TCF20: variants seen among roughly 807,000 people sequenced by gnomAD.
TCF20 encodes SPRE-binding protein.
Under a neutral mutation model 148.6 loss-of-function variants are expected in TCF20, and 3 were observed. The observed-to-expected ratio is 0.02, with a 90% CI of 0.01 to 0.05. The LOEUF (loss-of-function observed/expected upper bound fraction) is 0.05. Among genes scored for constraint, TCF20 ranks in the 10% least tolerant of loss-of-function variants. The probability of loss-of-function intolerance (pLI) is 1.00; values close to 1 mark genes in which losing one functional copy is unlikely to be tolerated. For synonymous variants in TCF20, 1,049 were observed against 909.5 expected, an observed-to-expected ratio of 1.15 and a Z score of -2.76; for missense variants, 2,350 against 2,429.3, an observed-to-expected ratio of 0.97 and a Z score of 0.69.
At chr22:42,239,579 G>A (rs536084503) in intron 1 of TCF20, among the ~76,000 whole-genome samples, 35 of 152,204 alleles carry the variant, frequency 2.3e-4, no homozygotes, top group Non-Finnish European at 4.6e-4. Flanking sequence ...CTTCAGGTTA[G>A]GAGTTCCAGA....
At chr22:42,236,766 A>G (rs910904420) in intron 1 of TCF20, among the ~76,000 whole-genome samples, 1 of 152,220 alleles carries the variant, frequency 6.6e-6, no homozygotes, top group Non-Finnish European at 1.5e-5. Context: ...AGACCGTGGC[A>G]ATAAAGCGAG....
At chr22:42,192,756 G>A (rs6002649) in intron 2 of TCF20, among the ~76,000 whole-genome samples, 13,196 of 152,100 alleles carry the variant, frequency 0.087, 1,907 homozygotes, top group African/African-American at 0.3. Flanking sequence ...CTCATTTCAG[G>A]TCACTCCCAC....
upstream of TCF20, among the ~76,000 whole-genome samples, chr22:42,288,956 C>T (rs1290310975): frequency 2.0e-5 from 3 of 152,232 alleles, no homozygotes; most frequent in East Asian, 5.8e-4. Context: ...AGGCCTCATT[C>T]CTTCTCTGCA....
At chr22:42,177,067 A>G (rs1306039967) in intron 3 of TCF20, among the ~76,000 whole-genome samples, 1 of 152,150 alleles carries the variant, frequency 6.6e-6, no homozygotes, top group Non-Finnish European at 1.5e-5. Flanking sequence ...ATCATTTTAT[A>G]TATATATTGA....
At position 42,213,960 on chromosome 22, in the gene TCF20, G is replaced by A. The variant is rs2147217475; in HGVS notation, c.1346C>T (p.Thr449Ile). The A allele has an allele frequency of 6.2e-7, 1 of 1,614,192 alleles. No homozygotes were observed. Among genetic ancestry groups the A allele is most frequent in the South Asian group, 1.1e-5 (1 of 91,086 alleles). ...ACTCAAACTACTCAACCCAGGATCT[G>A]TCAGTCGCTTTTCTGGTACCCCTTC... ...GLEGVPEKRL[T>I]DPGLSSLSAL... The change falls in exon 2 of 6, where the codon ACA becomes ATA. Residue 449 changes from threonine (T) to isoleucine (I), a missense_variant. Physicochemically the swap from Thr to Ile is moderately conservative, Grantham distance 89. Around this residue, in one of 7 missense-constraint regions of TCF20, gnomAD observed 1,641 missense variants for 1,662.6 expected, o/e 0.99. Coordinates refer to ENST00000677622, the MANE Select transcript of TCF20 (RefSeq NM_001378418.1).
At chr22:42,222,606 T>C (rs990578437) in intron 1 of TCF20, among the ~76,000 whole-genome samples, 1 of 152,062 alleles carries the variant, frequency 6.6e-6, no homozygotes, top group African/African-American at 2.4e-5. Context: ...CTCACCTTGG[T>C]CTCAACTTGG....
chr22:42,212,270 A>T lies in TCF20; in HGVS notation c.3036T>A (p.Phe1012Leu). The T allele has an allele frequency of 6.2e-7, 1 of 1,614,170 alleles. No homozygotes were observed. Among genetic ancestry groups the T allele is most frequent in the Non-Finnish European group, 8.5e-7 (1 of 1,180,020 alleles). ...RGRSPSQYHDFAEKLKMSPGR... is the reference protein window; with the variant it reads ...RGRSPSQYHDLAEKLKMSPGR... ...CAGGAGACATTTTCAATTTTTCTGC[A>T]AAGTCATGATATTGAGAAGGGGACC... Residue 1012 changes from phenylalanine (F) to leucine (L), a missense_variant, in exon 2 of 6, where the codon TTT becomes TTA. By Grantham distance (22) the Phe-to-Leu change is conservative (BLOSUM62 0). Coordinates refer to ENST00000677622, the MANE Select transcript of TCF20 (RefSeq NM_001378418.1).
Position 42,215,137 on chromosome 22 carries a change from C to G in TCF20, c.169G>C (p.Gly57Arg). The change falls in exon 2 of 6, where the codon GGT becomes CGT. Residue 57 changes from glycine (G) to arginine (R), a missense_variant. By Grantham distance (125) the Gly-to-Arg change is moderately radical. Coordinates refer to ENST00000677622, the MANE Select transcript of TCF20 (RefSeq NM_001378418.1). The part of the protein sequence containing the change: ...SSGSSGSGSG[G>R]GRRGAAAAAA... ...GCAGCTGCTGCTCCTCGTCGTCCAC[C>G]ACCACTGCCACTGCCACTGCTGCCA... is the stretch of plus-strand genomic sequence containing the variant. 1 of 1,614,036 alleles carries G rather than the reference C, an allele frequency of 6.2e-7. No homozygotes were observed. Among genetic ancestry groups the G allele is most frequent in the South Asian group, 1.1e-5 (1 of 91,068 alleles).
intron 1 of TCF20, among the ~76,000 whole-genome samples, chr22:42,247,943 A>T (rs1413757138): frequency 6.6e-6 from 1 of 152,254 alleles, no homozygotes; most frequent in Non-Finnish European, 1.5e-5. Flanking sequence ...TGACTTAAAA[A>T]GTGAATATTG....
intron 1 of TCF20, among the ~76,000 whole-genome samples, chr22:42,305,108 C>A (rs867406707): frequency 2.6e-5 from 4 of 152,026 alleles, no homozygotes; most frequent in Admixed American, 1.3e-4. Context: ...CTAAATAACC[C>A]CCTGGAGCCC....
chr22:42,214,935 C>G lies in TCF20; in HGVS notation c.371G>C (p.Ser124Thr). The G allele has an allele frequency of 6.2e-7, 1 of 1,614,238 alleles. No homozygotes were observed. The highest frequency in any genetic ancestry group is 8.5e-7 in the Non-Finnish European group (1 of 1,180,036). Residue 124 changes from serine (S) to threonine (T), a missense_variant, in exon 2 of 6, where the codon AGC (serine) becomes ACC (threonine). Physicochemically the swap from Ser to Thr is moderately conservative, Grantham distance 58. Around this residue, in one of 7 missense-constraint regions of TCF20, gnomAD observed 1,641 missense variants for 1,662.6 expected, o/e 0.99. Transcript: ENST00000677622. ...PVQSYGPPQGSSFGNQYGSEG... is the reference protein window; with the variant it reads ...PVQSYGPPQGTSFGNQYGSEG... ...ACTCCCATACTGATTGCCAAAGCTG[C>G]TCCCCTGGGGGGGTCCATAGCTCTG...
At chr22:42,281,325 G>A (rs1601691157) in intron 1 of TCF20, among the ~76,000 whole-genome samples, 1 of 152,170 alleles carries the variant, frequency 6.6e-6, no homozygotes, top group Non-Finnish European at 1.5e-5. Flanking sequence ...TCCTGAAAAC[G>A]GGTCCAAAGA....
rs1928110691 is a variant in TCF20 at position 42,338,670 on chromosome 22, C to T, written c.-37+4809G>A. 6.6e-6 allele frequency among the ~76,000 whole-genome samples: 1 copy of T among 152,236 alleles called. No homozygotes were observed. Among genetic ancestry groups the T allele is most frequent in the South Asian group, 2.1e-4 (1 of 4,834 alleles). On this transcript the variant is annotated intron_variant, in intron 1 of 1. Coordinates refer to the TCF20 transcript ENST00000515426. The surrounding 1 kb of genome is among the most constrained non-coding windows in gnomAD (Gnocchi z 4.0). ...ACAGCCATGTTGCCAGCTCCTGCGA[C>T]GGAGGCTGCCAGGCGGGACGGGCTG...
rs535368812 is a variant in TCF20 at position 42,317,148 on chromosome 22, C to T, written c.-37+26331G>A. 3.9e-5 allele frequency among the ~76,000 whole-genome samples: 6 copies of T among 152,300 alleles called. No homozygotes were observed. The highest frequency in any genetic ancestry group is 3.9e-4 in the East Asian group (2 of 5,176). The stretch of plus-strand genomic sequence containing the variant: ...ACTGAGCGCTCTGTGTGCTTGGCCA[C>T]GTCTGACTCACCCCACCTTCCCCGC... On this transcript the variant is annotated intron_variant, in intron 1 of 1. Transcript: ENST00000515426. This position sits in a 1 kb window ranked among gnomAD's most constrained non-coding sequence, Gnocchi z 4.2.
chr22:42,302,811 C>T (rs1435022439), intron 1 of TCF20, among the ~76,000 whole-genome samples: 1 of 152,236 alleles, frequency 6.6e-6, no homozygotes, highest in Non-Finnish European at 1.5e-5. Context: ...ATGTGTGCCC[C>T]ACGCCTGGGT....
intron 1 of TCF20, among the ~76,000 whole-genome samples, chr22:42,248,145 G>T (rs544656870): frequency 6.6e-6 from 1 of 152,300 alleles, no homozygotes; most frequent in African/African-American, 2.4e-5. Context: ...TGTGAAGGGA[G>T]AACAGGGCTG....
chr22:42,295,495 G>C (rs1401612950), intron 1 of TCF20, among the ~76,000 whole-genome samples: 1 of 149,694 alleles, frequency 6.7e-6, no homozygotes, highest in Non-Finnish European at 1.5e-5. Flanking sequence ...CCGGGCTGGA[G>C]TGCAATGGCA....
intron 1 of TCF20, among the ~76,000 whole-genome samples, chr22:42,241,544 T>C (rs1264928905): frequency 3.3e-5 from 5 of 152,166 alleles, no homozygotes; most frequent in African/African-American, 1.2e-4. Context: ...AGCAGATTAA[T>C]CGGCTGGCGC....
At chr22:42,201,859 T>C (rs1938051663) in intron 2 of TCF20, among the ~76,000 whole-genome samples, 1 of 152,224 alleles carries the variant, frequency 6.6e-6, no homozygotes, top group Non-Finnish European at 1.5e-5. Flanking sequence ...CAAAACTTTG[T>C]CATCTCACTA....
Sources: allele counts gnomAD v4.1 joint callset (sites outside exome capture counted in the v4.1 genomes callset), GRCh38; gene constraint gnomAD v4.1.1; regional missense constraint gnomAD v4.1.1; non-coding constraint Gnocchi (gnomAD v3.1); transcripts MANE v1.5; gene names NCBI Gene and HGNC (gene_info 2026-07-23, HGNC 2026-07-21).